The following ASTN2 variants were observed in gnomAD, a reference collection of about 807,000 sequenced individuals.
ASTN2 encodes astrotactin-2.
A neutral mutation model predicts 139.8 loss-of-function variants in ASTN2; 54 were observed. That is an observed-to-expected ratio of 0.39 (90% CI 0.31 to 0.48). The LOEUF is 0.48. Ranked by LOEUF, ASTN2 falls within the 20% of genes least tolerant of loss-of-function variation. The pLI is 0.95. For synonymous variants in ASTN2, 756 were observed against 719.5 expected (o/e 1.05, Z -0.81); for missense variants, 1,565 against 1,725.1 (o/e 0.91, Z 1.64).
At chr9:116,874,926 T>C (rs1833257540) in intron 10 of ASTN2, among the ~76,000 whole-genome samples, 1 of 152,176 alleles carries the variant, frequency 6.6e-6, no homozygotes, top group African/African-American at 2.4e-5. Context: ...TATTATATCG[T>C]TTATGGTTTG....
chr9:116,766,889 A>G (rs1217467105), intron 13 of ASTN2, among the ~76,000 whole-genome samples: 3 of 151,140 alleles, frequency 2.0e-5, no homozygotes, highest in African/African-American at 7.4e-5. Flanking sequence ...ATTCACACTC[A>G]CATACACTTA....
chr9:116,606,397 G>C (rs1339618801), intron 19 of ASTN2, among the ~76,000 whole-genome samples: 4 of 152,272 alleles, frequency 2.6e-5, no homozygotes, highest in African/African-American at 9.6e-5. Context: ...GCCATAAAGT[G>C]TGTGTGTATG....
rs1196030684 is a variant in ASTN2, at chr9:116,455,078, G to A, written c.3498-12525C>T. On this transcript the variant is annotated intron_variant, in intron 20 of 22. Coordinates refer to ENST00000313400, the MANE Select transcript of ASTN2 (RefSeq NM_001365068.1). ...GGTTTATGGTAGGAGGCTGGACACA[G>A]TGGCTCACGCCCATAATCCCAGCAC... Among the ~76,000 whole-genome samples the A allele has an allele frequency of 3.9e-5, 6 of 151,914 alleles. No individual in the cohort carries two copies. In the East Asian group the frequency reaches 9.7e-4, roughly 24 times the overall value.
At chr9:116,537,517 G>A (rs1851693164) in intron 19 of ASTN2, among the ~76,000 whole-genome samples, 1 of 152,166 alleles carries the variant, frequency 6.6e-6, no homozygotes, top group African/African-American at 2.4e-5. Flanking sequence ...TATACATGTG[G>A]TAGGAACCCT....
chr9:117,164,311 T>A (rs4837014), intron 3 of ASTN2, among the ~76,000 whole-genome samples: 151,532 of 152,188 alleles, frequency 1, 75,444 homozygotes, highest in Middle Eastern at 1. Flanking sequence ...TTTCTGTGAC[T>A]TCCAACTGGC....
chr9:116,448,756 C>T (rs1848083471), intron 20 of ASTN2, among the ~76,000 whole-genome samples: 1 of 152,178 alleles, frequency 6.6e-6, no homozygotes, highest in African/African-American at 2.4e-5. Flanking sequence ...AATCTCCCTA[C>T]CCATAGTTTA....
At chr9:116,951,337 CAAAAAAAAAA>C (rs386416039) in intron 10 of ASTN2, among the ~76,000 whole-genome samples, 4 of 34,060 alleles carry the variant, frequency 1.2e-4, no homozygotes, top group South Asian at 2.4e-3. Context: ...AACTCTGTCT[CAAAAAAAAAA>C]AAAAAAAAAA....
chr9:117,411,261 G>A (rs144437230), intron 1 of ASTN2, among the ~76,000 whole-genome samples: 367 of 152,184 alleles, frequency 2.4e-3, no homozygotes, highest in Non-Finnish European at 4.8e-3. Flanking sequence ...ATAACTATTT[G>A]CTATTCTTTG....
intron 3 of ASTN2, among the ~76,000 whole-genome samples, chr9:117,189,332 G>A (rs1386666347): frequency 6.6e-6 from 1 of 152,100 alleles, no homozygotes; most frequent in Admixed American, 6.5e-5. Context: ...AAAGGCATGG[G>A]CTGGAACATG....
In ASTN2 at chr9:116,556,489, A is replaced by T. The variant is rs1852621843; in HGVS notation, c.3355+61835T>A. On this transcript the variant is annotated intron_variant, in intron 19 of 22. Coordinates refer to ENST00000313400, the MANE Select transcript of ASTN2 (RefSeq NM_001365068.1). ...TTCGTAAATAATTAAATAAAATAAA[A>T]GTCCCCAGAGGCTGTTGAGAAGGAG... 2.6e-5 allele frequency among the ~76,000 whole-genome samples: 4 copies of T among 152,318 alleles called. No homozygotes were observed. In the South Asian group the frequency reaches 8.3e-4, roughly 32 times the overall value.
At chr9:117,234,218 T>C (rs4838303) in intron 2 of ASTN2, among the ~76,000 whole-genome samples, 145,781 of 152,274 alleles carry the variant, frequency 0.96, 70,132 homozygotes, top group East Asian at 1. Context: ...TACTCAGCTG[T>C]CTGCCACCAG....
chr9:117,041,044 C>T (rs2132650360), intron 5 of ASTN2, among the ~76,000 whole-genome samples: 1 of 152,236 alleles, frequency 6.6e-6, no homozygotes, highest in Middle Eastern at 3.4e-3. Context: ...GAAGAGAGGG[C>T]AGAGAGTACG....
chr9:117,244,709 A>C (rs1035605046), intron 2 of ASTN2, among the ~76,000 whole-genome samples: 1 of 129,936 alleles, frequency 7.7e-6, no homozygotes, highest in Non-Finnish European at 1.6e-5. Context: ...AGGAGAAAGG[A>C]AGGAGAAAGG....
At chr9:116,523,208 T>G (rs1307784303) in intron 19 of ASTN2, among the ~76,000 whole-genome samples, 1 of 152,112 alleles carries the variant, frequency 6.6e-6, no homozygotes, top group Non-Finnish European at 1.5e-5. Flanking sequence ...GAGACCTTTT[T>G]TTTTTTTTAA....
intron 16 of ASTN2, among the ~76,000 whole-genome samples, chr9:116,671,981 G>GA (rs1324392870): frequency 2.6e-5 from 4 of 152,140 alleles, no homozygotes; most frequent in African/African-American, 7.2e-5. Flanking sequence ...TGTGAGAGGG[G>GA]AAAAAAAGTG....
At chr9:117,034,839 G>T (rs1838338190) in intron 6 of ASTN2, among the ~76,000 whole-genome samples, 1 of 152,188 alleles carries the variant, frequency 6.6e-6, no homozygotes, top group Admixed American at 6.6e-5. Flanking sequence ...CTTTGAAGAA[G>T]CCCAGATAAA....
chr9:117,411,544 T>G (rs1186245579), intron 1 of ASTN2, among the ~76,000 whole-genome samples: 1 of 150,738 alleles, frequency 6.6e-6, no homozygotes, highest in East Asian at 1.9e-4. Context: ...GGGTTAAATA[T>G]GAAGGTGACC....
intron 1 of ASTN2, among the ~76,000 whole-genome samples, chr9:117,412,156 C>G (rs1831183039): frequency 6.6e-6 from 1 of 152,146 alleles, no homozygotes; most frequent in Non-Finnish European, 1.5e-5. Context: ...TCCTGCTATA[C>G]CCAGCCATCT....
chr9:117,020,387 C>T (rs1253475135), intron 6 of ASTN2, among the ~76,000 whole-genome samples: 3 of 151,742 alleles, frequency 2.0e-5, no homozygotes, highest in Non-Finnish European at 2.9e-5. Flanking sequence ...TATGTTCTCC[C>T]TCTGTTGGAA....
Sources: allele counts gnomAD v4.1 joint callset (sites outside exome capture counted in the v4.1 genomes callset), GRCh38; gene constraint gnomAD v4.1.1; transcripts MANE v1.5; gene names NCBI Gene and HGNC (gene_info 2026-07-23, HGNC 2026-07-21).